Variants in RFX3 observed in about 807,000 individuals in gnomAD.
RFX3 encodes regulatory factor X3, also known as transcription factor RFX3.
In RFX3, 14 loss-of-function variants were observed where a neutral mutation model predicts 98.6. The ratio of observed to expected loss-of-function variants is 0.14; its 90% CI spans 0.09 to 0.22. The LOEUF is 0.22. Ranked by LOEUF, RFX3 falls within the 10% of genes least tolerant of loss-of-function variation. The pLI is 1.00. For synonymous variants in RFX3, 383 were observed against 328.4 expected, an observed-to-expected ratio of 1.17 and a Z score of -1.80; for missense variants, 639 against 926.9, an observed-to-expected ratio of 0.69 and a Z score of 4.03.
intron 2 of RFX3, among the ~76,000 whole-genome samples, chr9:3,395,154 A>T (rs1294271891): frequency 6.6e-6 from 1 of 152,232 alleles, no homozygotes; most frequent in Non-Finnish European, 1.5e-5. Context: ...AGTTGTGATA[A>T]ACAATGAGGA....
chr9:3,298,765 G>C (rs1230768004), intron 5 of RFX3, among the ~76,000 whole-genome samples: 1 of 151,720 alleles, frequency 6.6e-6, no homozygotes. Context: ...TTCTGCTGAG[G>C]GGATTATTTA....
At chr9:3,328,782 G>A (rs952306412) in intron 4 of RFX3, among the ~76,000 whole-genome samples, 10 of 151,804 alleles carry the variant, frequency 6.6e-5, no homozygotes, top group African/African-American at 1.7e-4. Flanking sequence ...ATAATATCCT[G>A]GAGAAAATCC....
intron 1 of RFX3, among the ~76,000 whole-genome samples, chr9:3,486,709 T>C (rs1850305637): frequency 6.6e-6 from 1 of 152,152 alleles, no homozygotes; most frequent in South Asian, 2.1e-4. Flanking sequence ...AAGTACAAAA[T>C]TGCTAATACA....
At chr9:3,329,067 A>C (rs566515941) in intron 4 of RFX3, among the ~76,000 whole-genome samples, 1 of 152,282 alleles carries the variant, frequency 6.6e-6, no homozygotes, top group East Asian at 1.9e-4. Flanking sequence ...AATTCTGCAA[A>C]ATTTTCTATG....
chr9:3,430,120 T>A (rs906395895), intron 1 of RFX3, among the ~76,000 whole-genome samples: 2 of 152,204 alleles, frequency 1.3e-5, no homozygotes, highest in Non-Finnish European at 2.9e-5. Flanking sequence ...GTGACCAATA[T>A]AATTTTCAAC....
intron 4 of RFX3, among the ~76,000 whole-genome samples, chr9:3,303,434 T>C (rs7021959): frequency 0.098 from 14,918 of 151,906 alleles, 1,911 homozygotes; most frequent in African/African-American, 0.3. Context: ...ATTATACCTA[T>C]ATTTTCTTTA....
At chr9:3,356,153 A>C (rs1235557203) in intron 2 of RFX3, among the ~76,000 whole-genome samples, 2 of 114,508 alleles carry the variant, frequency 1.7e-5, no homozygotes, top group African/African-American at 9.8e-5. Flanking sequence ...ATCTAGAATA[A>C]GTGGAAGGAA....
At chr9:3,389,470 A>T (rs1162903300) in intron 2 of RFX3, among the ~76,000 whole-genome samples, 1 of 152,102 alleles carries the variant, frequency 6.6e-6, no homozygotes, top group African/African-American at 2.4e-5. Flanking sequence ...AATTTTATTG[A>T]ATTGGGCAAC....
In RFX3 at chr9:3,247,496, T is replaced by A. The variant is rs551042961; in HGVS notation, c.1968+536A>T. 9.7e-6 allele frequency: 7 copies of A among 722,120 alleles called. No homozygotes were observed. The African/African-American group carries it at 1.3e-4, about 14-fold the overall frequency. 44.7% of individuals were successfully genotyped at this position (722,120 alleles called of 1,614,324 possible). ...GTAAAACAGAATAAAGTAGAACGTA[T>A]CTCAAAGACTTGCATTAAGTGCTTT... is the stretch of plus-strand genomic sequence containing the variant. On this transcript the variant is annotated intron_variant, in intron 15 of 16. Transcript: ENST00000617270.
intron 1 of RFX3, among the ~76,000 whole-genome samples, chr9:3,418,789 T>G (rs964372352): frequency 6.6e-6 from 1 of 152,220 alleles, no homozygotes; most frequent in African/African-American, 2.4e-5. Flanking sequence ...GAATTCATAT[T>G]TTTAAAAAGA....
intron 1 of RFX3, among the ~76,000 whole-genome samples, chr9:3,401,785 G>A (rs994946872): frequency 6.6e-6 from 1 of 152,096 alleles, no homozygotes; most frequent in South Asian, 2.1e-4. Flanking sequence ...GCCTGTTAAC[G>A]GTTCTTCTTT....
At chr9:3,305,489 C>A (rs1272134820) in intron 4 of RFX3, among the ~76,000 whole-genome samples, 1 of 151,862 alleles carries the variant, frequency 6.6e-6, no homozygotes, top group East Asian at 1.9e-4. Flanking sequence ...AAGACACTAT[C>A]ATTCATAGGA....
chr9:3,459,762 C>T (rs938267393), intron 1 of RFX3, among the ~76,000 whole-genome samples: 1 of 152,038 alleles, frequency 6.6e-6, no homozygotes, highest in African/African-American at 2.4e-5. Flanking sequence ...CCCTAGTTAT[C>T]TCATCCTACT....
intron 15 of RFX3, among the ~76,000 whole-genome samples, chr9:3,245,083 G>A (rs1256558986): frequency 6.6e-6 from 1 of 152,168 alleles, no homozygotes; most frequent in African/African-American, 2.4e-5. Flanking sequence ...ATTGTTTCCA[G>A]GTATTACATC....
intron 7 of RFX3, among the ~76,000 whole-genome samples, chr9:3,285,301 G>A (rs1173108253): frequency 1.3e-5 from 2 of 151,654 alleles, no homozygotes; most frequent in African/African-American, 4.8e-5. Context: ...ATTTTTACAA[G>A]AGACTGGCAG....
intron 3 of RFX3, among the ~76,000 whole-genome samples, chr9:3,340,404 G>A (rs1319743406): frequency 6.6e-6 from 1 of 152,110 alleles, no homozygotes; most frequent in East Asian, 1.9e-4. Context: ...TTGACAAATG[G>A]GATCTAATAA....
At chr9:3,479,593 C>T (rs1463020397) in intron 1 of RFX3, among the ~76,000 whole-genome samples, 1 of 152,112 alleles carries the variant, frequency 6.6e-6, no homozygotes, top group Non-Finnish European at 1.5e-5. Flanking sequence ...TCATCAAAAA[C>T]AAAGGTGATT....
chr9:3,275,555 C>G lies in RFX3; in HGVS notation c.1031G>C (p.Gly344Ala), dbSNP rs1471867485. 6.2e-7 allele frequency: 1 copy of G among 1,612,776 alleles called. No individual in the cohort carries two copies. The highest frequency in any genetic ancestry group is 8.5e-7 in the Non-Finnish European group (1 of 1,179,040). ...TGACTTGATATCCTCAAAGGTAGTA[C>G]CATCTGGCAGAGAAGAGATTTCAAC... The part of the protein sequence containing the change: ...GEVEISSLPD[G>A]TTFEDIKSLQ... The change falls in exon 9 of 17, where the codon GGT becomes GCT. Residue 344 changes from glycine to alanine, a missense_variant. Coordinates refer to ENST00000617270, the MANE Select transcript of RFX3 (RefSeq NM_001282116.2).
At position 3,223,604 on chromosome 9, in the gene RFX3, T is replaced by TA. The variant is rs1323705522; in HGVS notation, c.*1437dup. On this transcript the variant is annotated 3_prime_UTR_variant, in exon 17 of 17. Transcript: ENST00000617270. ...ATCAAGTAATATTCAGCTCTAAGAATAAAAAATAGATCCACGGTCACTCAA... is the reference window on the plus strand; with the variant it reads ...ATCAAGTAATATTCAGCTCTAAGAATAAAAAAATAGATCCACGGTCACTCAA... 1 of 152,196 alleles carries TA rather than the reference T, an allele frequency of 6.6e-6. No individual in the cohort carries two copies. Among genetic ancestry groups the TA allele is most frequent in the Non-Finnish European group, 1.5e-5 (1 of 68,014 alleles). 9.4% of individuals were successfully genotyped at this position (152,196 alleles called of 1,614,324 possible).
Sources: allele counts gnomAD v4.1 joint callset (sites outside exome capture counted in the v4.1 genomes callset), GRCh38; gene constraint gnomAD v4.1.1; transcripts MANE v1.5; gene names NCBI Gene and HGNC (gene_info 2026-07-23, HGNC 2026-07-21).